The following HIVEP3 variants were observed in gnomAD, a reference collection of about 807,000 sequenced individuals.
The protein encoded by HIVEP3 is HIVEP zinc finger 3, also known as transcription factor HIVEP3.
A neutral mutation model predicts 152.8 loss-of-function variants in HIVEP3; 49 were observed. The observed-to-expected ratio is 0.32, with a 90% CI of 0.26 to 0.41. The LOEUF is 0.41. Ranked by LOEUF, HIVEP3 falls within the 10% of genes least tolerant of loss-of-function variation. The pLI, the probability that HIVEP3 is intolerant of heterozygous loss-of-function variation, is 1.00. For synonymous variants in HIVEP3, 1,269 were observed against 1,289.0 expected (o/e 0.98, Z 0.33); for missense variants, 2,790 against 3,103.3 (o/e 0.90, Z 2.40).
intron 1 of HIVEP3, among the ~76,000 whole-genome samples, chr1:41,800,907 C>A (rs996326707): frequency 6.6e-6 from 1 of 152,200 alleles, no homozygotes; most frequent in African/African-American, 2.4e-5. Context: ...GGAAGGAATT[C>A]GTTACCTGCC....
At chr1:41,630,614 C>A (rs1011202663) in intron 2 of HIVEP3, among the ~76,000 whole-genome samples, 1 of 152,126 alleles carries the variant, frequency 6.6e-6, no homozygotes, top group East Asian at 1.9e-4. Context: ...AAAAACAGGA[C>A]CTCAGTCCTA....
intron 5 of HIVEP3, among the ~76,000 whole-genome samples, chr1:41,561,520 T>C (rs1348451770): frequency 1.3e-5 from 1 of 79,324 alleles, no homozygotes; most frequent in Non-Finnish European, 2.5e-5. Flanking sequence ...CATATGTCAC[T>C]TTTTTTTTTT....
At chr1:42,023,693 TG>T (rs1401701088) in intron 1 of HIVEP3, among the ~76,000 whole-genome samples, 2 of 152,178 alleles carry the variant, frequency 1.3e-5, no homozygotes, top group Non-Finnish European at 2.9e-5. Context: ...GTGACATGCC[TG>T]CTCCTCCTTC....
rs2149106756 is a variant in HIVEP3 at position 41,582,204 on chromosome 1, T to A, written c.2594A>T (p.Asp865Val). 6.2e-7 allele frequency: 1 copy of A among 1,613,960 alleles called. No homozygotes were observed. Among genetic ancestry groups the A allele is most frequent in the Non-Finnish European group, 8.5e-7 (1 of 1,179,964 alleles). Residue 865 changes from aspartate (D) to valine (V), a missense_variant, in exon 4 of 9, where the codon GAC becomes GTC. By Grantham distance (152) the Asp-to-Val change is radical (BLOSUM62 -3). This residue lies in a region of HIVEP3 where 1,078 missense variants were observed against 1,165.3 expected (regional missense o/e 0.93). Transcript: ENST00000372583. This position sits in a 1 kb window ranked among gnomAD's most constrained non-coding sequence, Gnocchi z 4.7. ...CGGCTCTGGCTCTGTGTCCGGCCGG[T>A]CAGGCTCCTCAGTTACTAGGATCTC... ...VPEILVTEEP[D>V]RPDTEPEPPP...
chr1:41,992,368 A>G (rs1226166950), intron 1 of HIVEP3, among the ~76,000 whole-genome samples: 2 of 144,790 alleles, frequency 1.4e-5, no homozygotes, highest in African/African-American at 5.3e-5. Context: ...ACAAACAGAG[A>G]GCCAAATCAT....
intron 1 of HIVEP3, among the ~76,000 whole-genome samples, chr1:41,936,619 T>C (rs1249918926): frequency 1.3e-5 from 2 of 152,188 alleles, no homozygotes; most frequent in Non-Finnish European, 2.9e-5. Flanking sequence ...AAGCTTCAGT[T>C]AGAAAAATTA....
intron 2 of HIVEP3, among the ~76,000 whole-genome samples, chr1:41,693,268 C>T (rs1419071758): frequency 6.6e-6 from 1 of 152,162 alleles, no homozygotes; most frequent in African/African-American, 2.4e-5. Flanking sequence ...TATAATCTCC[C>T]CTCCAGAAAA....
At chr1:41,981,467 C>T (rs975752213) in intron 1 of HIVEP3, among the ~76,000 whole-genome samples, 1 of 150,260 alleles carries the variant, frequency 6.7e-6, no homozygotes, top group African/African-American at 2.5e-5. Context: ...TGTGTCAGAT[C>T]CAGCCTCCCC....
intron 1 of HIVEP3, among the ~76,000 whole-genome samples, chr1:41,757,091 AATTATTATTATTATTATTATTATT>A (rs147789740): frequency 7.3e-6 from 1 of 136,540 alleles, no homozygotes; most frequent in Non-Finnish European, 1.5e-5. Flanking sequence ...GTCTCTAAAA[AATTATTATTATTATTATTATTATT>A]ATTATTATTA....
intron 1 of HIVEP3, among the ~76,000 whole-genome samples, chr1:41,980,809 C>T (rs1645289744): frequency 6.6e-6 from 1 of 152,180 alleles, no homozygotes; most frequent in African/African-American, 2.4e-5. Context: ...AACCACATGT[C>T]AGCGACAAGA....
rs746680074 is a variant in HIVEP3 at position 41,579,815 on chromosome 1, T to C, written c.4983A>G (p.Thr1661=). The C allele has an allele frequency of 6.2e-6, 10 of 1,613,602 alleles. No homozygotes were observed. Among genetic ancestry groups the C allele is most frequent in the African/African-American group, 2.7e-5 (2 of 74,928 alleles). The change falls in exon 4 of 9, where the codon ACA becomes ACG. Residue 1661 remains threonine (T), a synonymous_variant. Coordinates refer to ENST00000372583, the MANE Select transcript of HIVEP3 (RefSeq NM_024503.5). ...LRSKQKVSKE[T]YTMATAPHPE... ...GATGCGGAGCTGTGGCCATGGTGTA[T>C]GTCTCTTTGCTCACTTTCTGCTTAG...
intron 1 of HIVEP3, among the ~76,000 whole-genome samples, chr1:41,980,849 T>A (rs931400485): frequency 2.8e-4 from 43 of 152,140 alleles, no homozygotes; most frequent in African/African-American, 9.7e-4. Context: ...CTTTGATAAA[T>A]CCCTTGACAG....
chr1:41,634,331 A>C (rs963510556), intron 2 of HIVEP3, among the ~76,000 whole-genome samples: 2 of 152,210 alleles, frequency 1.3e-5, no homozygotes, highest in Admixed American at 6.5e-5. Context: ...ACATCAATAG[A>C]GAAATCTGTG....
intron 3 of HIVEP3, among the ~76,000 whole-genome samples, chr1:41,627,378 T>A (rs966599489): frequency 6.6e-6 from 1 of 152,198 alleles, no homozygotes; most frequent in Non-Finnish European, 1.5e-5. Flanking sequence ...GGCTGGGATT[T>A]GAACTCAGGG....
intron 1 of HIVEP3, among the ~76,000 whole-genome samples, chr1:41,970,590 G>A (rs1175389221): frequency 6.6e-6 from 1 of 152,114 alleles, no homozygotes; most frequent in Admixed American, 6.6e-5. Flanking sequence ...TGTGTGCTGG[G>A]CTTAATACCT....
intron 1 of HIVEP3, among the ~76,000 whole-genome samples, chr1:41,778,553 C>G (rs1399836767): frequency 6.6e-6 from 1 of 152,146 alleles, no homozygotes; most frequent in African/African-American, 2.4e-5. Flanking sequence ...TGCTGGAGGG[C>G]GGGGCAGGTC....
At chr1:41,655,613 GGAGA>G (rs1188992914) in intron 2 of HIVEP3, among the ~76,000 whole-genome samples, 4 of 148,598 alleles carry the variant, frequency 2.7e-5, no homozygotes, top group African/African-American at 1.0e-4. Flanking sequence ...AAAAAGAGAG[GGAGA>G]GAGAGAGAAA....
intron 1 of HIVEP3, among the ~76,000 whole-genome samples, chr1:41,706,672 T>A (rs924932439): frequency 6.6e-6 from 1 of 152,196 alleles, no homozygotes; most frequent in Admixed American, 6.5e-5. Context: ...TGGGTTTTAA[T>A]TGTCTGGCAG....
intron 1 of HIVEP3, among the ~76,000 whole-genome samples, chr1:41,765,684 C>G (rs1480120748): frequency 6.6e-6 from 1 of 152,194 alleles, no homozygotes; most frequent in South Asian, 2.1e-4. Flanking sequence ...TAAGCAAGGT[C>G]TACCCTATAT....
Sources: gnomAD v4.1 joint callset for allele counts (sites outside exome capture counted in the v4.1 genomes callset) on GRCh38, gnomAD v4.1.1 for gene constraint, gnomAD v4.1.1 regional missense constraint, Gnocchi (gnomAD v3.1) non-coding constraint, MANE v1.5 for transcripts, NCBI Gene and HGNC (gene_info 2026-07-23, HGNC 2026-07-21) for gene names.